Variants in SLIT3 observed in about 807,000 individuals in gnomAD.
SLIT3 encodes slit homolog 3 protein.
Under a neutral mutation model 184.0 loss-of-function variants are expected in SLIT3, and 68 were observed. That is an observed-to-expected ratio of 0.37 (90% CI 0.30 to 0.45). The LOEUF is 0.45. SLIT3 is among the 20% of genes least tolerant of loss of function. The pLI is 1.00. For missense variants in SLIT3, 1,707 were observed against 2,026.0 expected, an observed-to-expected ratio of 0.84 and a Z score of 3.02; for synonymous variants, 831 against 828.6, an observed-to-expected ratio of 1.00 and a Z score of -0.05.
At chr5:169,267,156 C>A (rs552307714) in intron 1 of SLIT3, among the ~76,000 whole-genome samples, 63 of 152,106 alleles carry the variant, frequency 4.1e-4, no homozygotes, top group African/African-American at 1.5e-3. Flanking sequence ...TATGATTGAA[C>A]AAATAGAGGC....
chr5:168,796,193 G>T (rs7734645), intron 9 of SLIT3, among the ~76,000 whole-genome samples: 114,362 of 152,144 alleles, frequency 0.75, 44,063 homozygotes, highest in African/African-American at 0.93. Flanking sequence ...ACCACTCCCC[G>T]GGTCTGCTGC....
intron 4 of SLIT3, among the ~76,000 whole-genome samples, chr5:169,081,766 C>G (rs1253447150): frequency 6.6e-6 from 1 of 152,158 alleles, no homozygotes; most frequent in Non-Finnish European, 1.5e-5. Flanking sequence ...CAGGGAATAA[C>G]CCCCGAATGT....
intron 5 of SLIT3, among the ~76,000 whole-genome samples, chr5:168,873,164 C>T (rs1759596169): frequency 6.6e-6 from 1 of 152,150 alleles, no homozygotes; most frequent in Admixed American, 6.5e-5. Flanking sequence ...AAAAACACTG[C>T]CTGAGAGTCC....
At chr5:169,115,807 T>C (rs1364005748) in intron 4 of SLIT3, among the ~76,000 whole-genome samples, 1 of 152,190 alleles carries the variant, frequency 6.6e-6, no homozygotes, top group Non-Finnish European at 1.5e-5. Context: ...AGCTCGCCTG[T>C]GGTTGGATCC....
At chr5:168,785,858 G>T in intron 12 of SLIT3, 49 bp downstream of exon 12, 1 of 1,352,914 alleles carries the variant, frequency 7.4e-7, no homozygotes, top group Non-Finnish European at 1.1e-6. Context: ...TCAGGTGGGA[G>T]CCTTCCGACA....
intron 32 of SLIT3, 81 bp from the exon 33 acceptor site, chr5:168,673,412 T>G: frequency 1.6e-6 from 2 of 1,262,180 alleles, no homozygotes; most frequent in Non-Finnish European, 2.2e-6. Flanking sequence ...GGACTTGACC[T>G]GCATTGCTTA....
Position 168,708,082 on chromosome 5 carries a change from A to T in SLIT3, c.2738T>A (p.Ile913Asn). 1.2e-6 allele frequency: 2 copies of T among 1,614,206 alleles called. No homozygotes were observed. The highest frequency in any genetic ancestry group is 1.7e-6 in the Non-Finnish European group (2 of 1,180,030). Residue 913 changes from isoleucine (I) to asparagine (N), a missense_variant, in exon 26 of 36, where the codon ATT becomes AAT. Physicochemically the swap from Ile to Asn is moderately radical, Grantham distance 149. Transcript: ENST00000519560. ...FQCKGPVDIN[I>N]VAKCNACLSS... ...GAGGCAGGCATTGCATTTGGCCACA[A>T]TGTTGATGTCCACTGGCCCTGGGCA...
rs79782839 is a variant in SLIT3 at position 169,015,986 on chromosome 5, A to C, written c.414-132650T>G. Among the ~76,000 whole-genome samples, 16 of 73,794 alleles carry C rather than the reference A, an allele frequency of 2.2e-4. 1 individual carries two copies. In the East Asian group the frequency reaches 6.1e-3, roughly 28 times the overall value. 48.4% of individuals were successfully genotyped at this position (73,794 alleles called of 152,430 possible). ...CACACACACACACACACACACACAC[A>C]ACTTTCTGTCTGCCCCCTTGCTCTT... On this transcript the variant is annotated intron_variant, in intron 4 of 35. Coordinates refer to ENST00000519560, the MANE Select transcript of SLIT3 (RefSeq NM_003062.4).
chr5:169,143,231 A>G (rs1761803463), intron 4 of SLIT3, among the ~76,000 whole-genome samples: 3 of 152,214 alleles, frequency 2.0e-5, no homozygotes, highest in African/African-American at 7.2e-5. Context: ...AGTAATAACA[A>G]TGTAATTGTT....
intron 25 of SLIT3, among the ~76,000 whole-genome samples, chr5:168,709,831 G>GT (rs552127988): frequency 0.047 from 6,845 of 145,230 alleles, 442 homozygotes; most frequent in African/African-American, 0.15. Flanking sequence ...AATAAAAGGA[G>GT]TTTTTTTTTT....
At chr5:168,815,420 A>C (rs533342147) in intron 8 of SLIT3, among the ~76,000 whole-genome samples, 2 of 152,320 alleles carry the variant, frequency 1.3e-5, no homozygotes, top group South Asian at 4.1e-4. Flanking sequence ...GATGTGTTTT[A>C]TCATTCTAAT....
chr5:169,034,920 T>A (rs1371625351), intron 4 of SLIT3, among the ~76,000 whole-genome samples: 1 of 135,816 alleles, frequency 7.4e-6, no homozygotes, highest in African/African-American at 3.4e-5. Context: ...CTAGTGTGTG[T>A]GTGTGTGTGT....
intron 4 of SLIT3, among the ~76,000 whole-genome samples, chr5:169,050,702 T>C (rs1757786465): frequency 6.6e-6 from 1 of 152,134 alleles, no homozygotes; most frequent in South Asian, 2.1e-4. Context: ...TTTTTTTTTT[T>C]TGGCGACCAT....
chr5:169,089,057 A>G (rs1170259724), intron 4 of SLIT3, among the ~76,000 whole-genome samples: 1 of 120,394 alleles, frequency 8.3e-6, no homozygotes, highest in Non-Finnish European at 1.8e-5. Context: ...AAAAAAAAAG[A>G]AGTGCTGACT....
intron 5 of SLIT3, among the ~76,000 whole-genome samples, chr5:168,846,950 T>C (rs1273415091): frequency 6.6e-6 from 1 of 151,948 alleles, no homozygotes; most frequent in African/African-American, 2.4e-5. Context: ...AAAAAGTATG[T>C]GGTGAGGGGA....
At chr5:168,680,531 C>T (rs1051221532) in intron 32 of SLIT3, among the ~76,000 whole-genome samples, 2 of 152,360 alleles carry the variant, frequency 1.3e-5, no homozygotes, top group South Asian at 4.1e-4. Context: ...TGCCAACTCC[C>T]CCAGTTAGAA....
intron 27 of SLIT3, among the ~76,000 whole-genome samples, chr5:168,699,848 T>G (rs545673376): frequency 6.6e-6 from 1 of 152,296 alleles, no homozygotes; most frequent in South Asian, 2.1e-4. Flanking sequence ...TGCCACTTAT[T>G]TTATAACTCA....
intron 9 of SLIT3, among the ~76,000 whole-genome samples, chr5:168,803,566 CAA>C (rs1756844029): frequency 6.6e-6 from 1 of 152,138 alleles, no homozygotes; most frequent in Non-Finnish European, 1.5e-5. Context: ...CCACGAGGTC[CAA>C]ACTGAGAGTA....
At chr5:169,226,094 C>T (rs1243943875) in intron 3 of SLIT3, among the ~76,000 whole-genome samples, 1 of 152,142 alleles carries the variant, frequency 6.6e-6, no homozygotes, top group African/African-American at 2.4e-5. Context: ...GCCCTCCATA[C>T]CCCACTTTAG....
Sources: gnomAD v4.1 joint callset for allele counts (sites outside exome capture counted in the v4.1 genomes callset) on GRCh38, gnomAD v4.1.1 for gene constraint, MANE v1.5 for transcripts, NCBI Gene and HGNC (gene_info 2026-07-23, HGNC 2026-07-21) for gene names.